The following AP3B1 variants were observed in gnomAD, a reference collection of about 807,000 sequenced individuals.
AP3B1 encodes AP-3 complex subunit beta-1.
A neutral mutation model predicts 132.5 loss-of-function variants in AP3B1; 61 were observed. The observed-to-expected ratio is 0.46, with a 90% CI of 0.37 to 0.57. The LOEUF is 0.57. AP3B1 is among the 20% of genes least tolerant of loss of function. AP3B1 has a pLI of 0.00. For synonymous variants in AP3B1, 388 were observed against 438.3 expected, an observed-to-expected ratio of 0.89 and a Z score of 1.43; for missense variants, 1,120 against 1,289.4, an observed-to-expected ratio of 0.87 and a Z score of 2.01.
At chr5:78,230,348 A>C (rs1746592052) in intron 3 of AP3B1, among the ~76,000 whole-genome samples, 1 of 152,202 alleles carries the variant, frequency 6.6e-6, no homozygotes, top group East Asian at 1.9e-4. Flanking sequence ...TTAATGAGCA[A>C]ACAAACTTTG....
chr5:78,232,551 T>C (rs147967924), intron 3 of AP3B1, among the ~76,000 whole-genome samples: 182 of 152,320 alleles, frequency 1.2e-3, no homozygotes, highest in African/African-American at 4.0e-3. Context: ...CAGCAATCTC[T>C]ATGCCCAGAG....
At chr5:78,125,248 T>C (rs1752408431) in intron 17 of AP3B1, among the ~76,000 whole-genome samples, 1 of 152,126 alleles carries the variant, frequency 6.6e-6, no homozygotes, top group South Asian at 2.1e-4. Context: ...ACTGGGATCA[T>C]AATATAAATA....
chr5:78,281,661 C>G (rs937557873), intron 1 of AP3B1, among the ~76,000 whole-genome samples: 8 of 152,170 alleles, frequency 5.3e-5, no homozygotes, highest in African/African-American at 1.2e-4. Flanking sequence ...CATTTGCAGT[C>G]ACTATCATCC....
At chr5:78,049,677 C>T (rs1028596683) in intron 22 of AP3B1, among the ~76,000 whole-genome samples, 1 of 152,170 alleles carries the variant, frequency 6.6e-6, no homozygotes, top group African/African-American at 2.4e-5. Context: ...CGGTCTGAGC[C>T]ACCACCACCT....
rs190087655 is a variant in AP3B1 at position 78,130,744 on chromosome 5, T to C, written c.1651-1437A>G. Reference sequence around the variant, plus strand: ...TGCTGGAAAAACCTGGGAAATCCACTTAATCATTAGTTTTCTCAAATGTGG... The same window carrying C: ...TGCTGGAAAAACCTGGGAAATCCACCTAATCATTAGTTTTCTCAAATGTGG... On this transcript the variant is annotated intron_variant, in intron 15 of 26. Coordinates refer to ENST00000255194, the MANE Select transcript of AP3B1 (RefSeq NM_003664.5). Among the ~76,000 whole-genome samples, 16 of 152,152 alleles carry C rather than the reference T, an allele frequency of 1.1e-4. No individual in the cohort carries two copies. In the East Asian group the frequency reaches 2.9e-3, roughly 27 times the overall value.
At chr5:78,292,905 GT>G (rs1749592789) in intron 1 of AP3B1, among the ~76,000 whole-genome samples, 1 of 151,484 alleles carries the variant, frequency 6.6e-6, no homozygotes, top group African/African-American at 2.4e-5. Context: ...TTGAGACGGA[GT>G]CTCACTCTGT....
chr5:78,168,708 G>A (rs1000972826), intron 11 of AP3B1, among the ~76,000 whole-genome samples: 7 of 152,134 alleles, frequency 4.6e-5, no homozygotes, highest in East Asian at 1.9e-4. Flanking sequence ...ACAGTACAAC[G>A]AAGAAAATCA....
intron 22 of AP3B1, among the ~76,000 whole-genome samples, chr5:78,083,575 T>C (rs532978875): frequency 6.6e-6 from 1 of 152,316 alleles, no homozygotes; most frequent in Non-Finnish European, 1.5e-5. Flanking sequence ...TTAAAAAAAA[T>C]TTACTAAGTT....
chr5:78,172,482 G>A (rs1451676506), intron 11 of AP3B1, among the ~76,000 whole-genome samples: 3 of 152,192 alleles, frequency 2.0e-5, no homozygotes, highest in Admixed American at 2.0e-4. Context: ...ACGTGTCCAG[G>A]AATTTATCCA....
intron 25 of AP3B1, 76 bp from the exon 26 acceptor site, chr5:78,015,624 C>A: frequency 6.6e-7 from 1 of 1,508,986 alleles, no homozygotes; most frequent in Non-Finnish European, 9.1e-7. Flanking sequence ...AAGCTCATGG[C>A]CAAAATTTTA....
intron 21 of AP3B1, among the ~76,000 whole-genome samples, chr5:78,096,376 A>C (rs1243450865): frequency 6.6e-6 from 1 of 152,018 alleles, no homozygotes; most frequent in African/African-American, 2.4e-5. Context: ...TCCACCTCCC[A>C]GCCACCTGCC....
At chr5:78,095,189 T>G (rs1230122875) in intron 21 of AP3B1, among the ~76,000 whole-genome samples, 1 of 152,216 alleles carries the variant, frequency 6.6e-6, no homozygotes, top group East Asian at 1.9e-4. Context: ...ATCTCCAGTA[T>G]GTAGCAGATT....
At chr5:78,283,666 G>A (rs888325230) in intron 1 of AP3B1, among the ~76,000 whole-genome samples, 2 of 152,080 alleles carry the variant, frequency 1.3e-5, no homozygotes, top group African/African-American at 2.4e-5. Flanking sequence ...CTCAACGAAT[G>A]CCTAACTATC....
intron 20 of AP3B1, among the ~76,000 whole-genome samples, chr5:78,106,197 C>T (rs534769663): frequency 1.5e-3 from 233 of 152,300 alleles, no homozygotes; most frequent in African/African-American, 5.5e-3. Context: ...GTTGCCCATG[C>T]CTGTAATCCC....
Position 78,054,714 on chromosome 5 carries a change from G to C in AP3B1, c.2578-15440C>G, listed in dbSNP as rs186316077. Among the ~76,000 whole-genome samples the C allele has an allele frequency of 3.9e-4, 59 of 152,308 alleles. 1 individual carries two copies. The East Asian group carries it at 0.011, about 29-fold the overall frequency. Reference sequence around the variant, plus strand: ...TGGCTGTGTTGCCTTGCATTTAAGTGAATTGTGACTTAGGGACATGGATTC... The same window carrying C: ...TGGCTGTGTTGCCTTGCATTTAAGTCAATTGTGACTTAGGGACATGGATTC... On this transcript the variant is annotated intron_variant, in intron 22 of 26. Coordinates refer to ENST00000255194, the MANE Select transcript of AP3B1 (RefSeq NM_003664.5).
In AP3B1 at chr5:78,039,226, G is replaced by T. The variant is rs773298750; in HGVS notation, c.2626C>A (p.Arg876=). 8 of 1,613,972 alleles carry T rather than the reference G, an allele frequency of 5.0e-6. No homozygotes were observed. The highest frequency in any genetic ancestry group is 6.8e-6 in the Non-Finnish European group (8 of 1,180,004). Residue 876 remains arginine (R), a synonymous_variant, in exon 23 of 27, where the codon CGA becomes AGA. Coordinates refer to ENST00000255194, the MANE Select transcript of AP3B1 (RefSeq NM_003664.5). ...VPTKTHVLLH[R]MSGKGLAAHY... ...GCAGCTAGTCCTTTTCCACTCATTC[G>T]ATGAAGCAGCACGTGAGTTTTCGTT...
intron 22 of AP3B1, among the ~76,000 whole-genome samples, chr5:78,067,693 C>G (rs545527133): frequency 6.6e-6 from 1 of 152,172 alleles, no homozygotes; most frequent in African/African-American, 2.4e-5. Context: ...AGGCAGAAAT[C>G]AAGAAGTTCT....
chr5:78,170,859 G>A (rs1372937784), intron 11 of AP3B1, among the ~76,000 whole-genome samples: 1 of 152,120 alleles, frequency 6.6e-6, no homozygotes, highest in Non-Finnish European at 1.5e-5. Context: ...GGTTTTTATG[G>A]TTTTAGCTCT....
intron 1 of AP3B1, among the ~76,000 whole-genome samples, chr5:78,278,628 G>GAAAAAAAAA (rs1561217286): frequency 7.0e-5 from 3 of 42,688 alleles, no homozygotes; most frequent in African/African-American, 2.2e-4. Flanking sequence ...AAAAAAAAGG[G>GAAAAAAAAA]GGGGGGGGAC....
Sources: allele counts gnomAD v4.1 joint callset (sites outside exome capture counted in the v4.1 genomes callset), GRCh38; gene constraint gnomAD v4.1.1; transcripts MANE v1.5; gene names NCBI Gene and HGNC (gene_info 2026-07-23, HGNC 2026-07-21).